SAXO1: variants seen among roughly 807,000 people sequenced by gnomAD.
SAXO1 encodes the protein 4930500O09Rik.
In SAXO1, 21 loss-of-function variants were observed where a neutral mutation model predicts 17.5. The observed-to-expected ratio is 1.20, with a 90% CI of 0.85 to 1.72. SAXO1 has a LOEUF of 1.72. Among genes scored for constraint, SAXO1 ranks in the 40% most tolerant of loss-of-function variants. The pLI, the probability that SAXO1 is intolerant of heterozygous loss-of-function variation, is 0.00. For synonymous variants in SAXO1, 274 were observed against 216.5 expected, an observed-to-expected ratio of 1.27 and a Z score of -2.33; for missense variants, 843 against 596.0, an observed-to-expected ratio of 1.41 and a Z score of -4.32.
intron 1 of SAXO1, among the ~76,000 whole-genome samples, chr9:18,968,936 G>C (rs1197835810): frequency 2.6e-5 from 4 of 152,130 alleles, no homozygotes; most frequent in African/African-American, 4.8e-5. Flanking sequence ...AGGTAGGTAG[G>C]GGTAAAAAAC....
chr9:18,939,751 A>T (rs570623254), intron 3 of SAXO1, among the ~76,000 whole-genome samples: 11 of 152,348 alleles, frequency 7.2e-5, no homozygotes, highest in Non-Finnish European at 1.5e-4. Flanking sequence ...TAATAGGATC[A>T]TATGATTTGA....
intron 1 of SAXO1, among the ~76,000 whole-genome samples, chr9:19,047,399 C>T (rs960305145): frequency 3.3e-5 from 5 of 151,898 alleles, no homozygotes; most frequent in African/African-American, 7.3e-5. Context: ...GAGGAGACTC[C>T]GTAAAATGTG....
Position 18,986,986 on chromosome 9 carries a change from A to G in SAXO1, c.39-36049T>C, listed in dbSNP as rs75678696. 6.7e-3 allele frequency among the ~76,000 whole-genome samples: 1,021 copies of G among 152,328 alleles called. 8 individuals are homozygous for G. The highest frequency in any genetic ancestry group is 0.023 in the African/African-American group (976 of 41,576). ...GGCTAGCTGTGTCCCAGATAAAGAAATGATGGTTAATAGATACAACACAAT... is the reference window on the plus strand; with the variant it reads ...GGCTAGCTGTGTCCCAGATAAAGAAGTGATGGTTAATAGATACAACACAAT... On this transcript the variant is annotated intron_variant, in intron 1 of 3. Coordinates refer to ENST00000380534, the MANE Select transcript of SAXO1 (RefSeq NM_153707.4).
At position 18,927,951 on chromosome 9, in the gene SAXO1, G is replaced by C. The variant is rs367915663; in HGVS notation, c.*101C>G. 6.2e-5 allele frequency: 85 copies of C among 1,381,224 alleles called. No individual in the cohort carries two copies. Among genetic ancestry groups the C allele is most frequent in the East Asian group, 4.0e-4 (17 of 42,684 alleles). 85.6% of individuals were successfully genotyped at this position (1,381,224 alleles called of 1,614,324 possible). On this transcript the variant is annotated 3_prime_UTR_variant, in exon 4 of 4. Coordinates refer to ENST00000380534, the MANE Select transcript of SAXO1 (RefSeq NM_153707.4). ...AAGTGGTGAAGGTTTTTTGTTTTTT[G>C]TTTTTTGTCATTTTAGGGAATTCTT...
At chr9:18,956,484 C>T (rs1832263820) in intron 1 of SAXO1, among the ~76,000 whole-genome samples, 1 of 152,132 alleles carries the variant, frequency 6.6e-6, no homozygotes, top group South Asian at 2.1e-4. Flanking sequence ...TCTGGATCCC[C>T]TGCTGAGCCT....
At chr9:18,960,296 C>T (rs1411051078) in intron 1 of SAXO1, among the ~76,000 whole-genome samples, 1 of 152,168 alleles carries the variant, frequency 6.6e-6, no homozygotes, top group African/African-American at 2.4e-5. Context: ...GTCCACAACT[C>T]TTTCAATTCT....
In SAXO1 at chr9:18,928,201, C is replaced by A; in HGVS notation, c.1276G>T (p.Glu426Ter). The A allele has an allele frequency of 6.2e-7, 1 of 1,614,124 alleles. No homozygotes were observed. Among genetic ancestry groups the A allele is most frequent in the Non-Finnish European group, 8.5e-7 (1 of 1,180,014 alleles). ...TCCTCAAAGGTGTAGCCAGGAGGCT[C>A]AGGATATGAAGCTAGGCACCTGCCC... ...EMGRCLASYPEPPGYTFEEVD... is the reference protein window; with the variant it reads ...EMGRCLASYP The change falls in exon 4 of 4, where the codon GAG becomes TAG. Residue 426 changes from glutamate (E) to a stop codon, truncating the protein, a stop_gained. Coordinates refer to ENST00000380534, the MANE Select transcript of SAXO1 (RefSeq NM_153707.4). LOFTEE classifies it low-confidence loss of function (END_TRUNC).
intron 1 of SAXO1, among the ~76,000 whole-genome samples, chr9:19,016,317 T>C (rs1834973226): frequency 6.6e-6 from 1 of 152,118 alleles, no homozygotes; most frequent in Non-Finnish European, 1.5e-5. Context: ...ACGCCTGTAG[T>C]CCCGGCTACT....
chr9:18,953,096 C>G (rs940492034), intron 1 of SAXO1, among the ~76,000 whole-genome samples: 2 of 152,234 alleles, frequency 1.3e-5, no homozygotes, highest in Non-Finnish European at 1.5e-5. Flanking sequence ...AGGATTCCGA[C>G]AAACCTCAGA....
rs565467812 is a variant in SAXO1 at position 18,939,550 on chromosome 9, T to C, written c.421+2087A>G. On this transcript the variant is annotated intron_variant, in intron 3 of 3. Coordinates refer to ENST00000380534, the MANE Select transcript of SAXO1 (RefSeq NM_153707.4). ...ATCTTTCAGCTGCTAGCTGAAAGGA[T>C]AAGTGCTAGATTAAGGAAGCAGAAG... Among the ~76,000 whole-genome samples, 9 of 152,286 alleles carry C rather than the reference T, an allele frequency of 5.9e-5. No individual in the cohort carries two copies. In the East Asian group the frequency reaches 1.7e-3, roughly 29 times the overall value.
At chr9:19,039,187 A>G (rs1005238751) in intron 1 of SAXO1, among the ~76,000 whole-genome samples, 1 of 152,214 alleles carries the variant, frequency 6.6e-6, no homozygotes, top group African/African-American at 2.4e-5. Context: ...CAACATATAA[A>G]AAGGATTAAA....
chr9:19,046,582 A>C (rs1836221829), intron 1 of SAXO1, among the ~76,000 whole-genome samples: 1 of 152,126 alleles, frequency 6.6e-6, no homozygotes, highest in Non-Finnish European at 1.5e-5. Flanking sequence ...CATGCCTGCA[A>C]TCCCAGCTAC....
intron 1 of SAXO1, among the ~76,000 whole-genome samples, chr9:19,013,891 T>C (rs539207357): frequency 2.5e-4 from 38 of 152,232 alleles, no homozygotes; most frequent in African/African-American, 8.9e-4. Flanking sequence ...GCAGCCAATA[T>C]GCACTTTTTA....
At chr9:18,998,122 T>C (rs1352868748) in intron 1 of SAXO1, among the ~76,000 whole-genome samples, 1 of 151,996 alleles carries the variant, frequency 6.6e-6, no homozygotes, top group East Asian at 1.9e-4. Context: ...CTTTGACAAG[T>C]TGACAAAAGT....
At chr9:18,978,634 G>T (rs1275022193) in intron 1 of SAXO1, among the ~76,000 whole-genome samples, 1 of 152,198 alleles carries the variant, frequency 6.6e-6, no homozygotes, top group East Asian at 1.9e-4. Context: ...CTGAATAATG[G>T]CTGTGAAAAT....
intron 1 of SAXO1, among the ~76,000 whole-genome samples, chr9:18,961,046 C>A (rs1027137830): frequency 5.9e-5 from 9 of 151,962 alleles, no homozygotes; most frequent in African/African-American, 2.2e-4. Context: ...AAGATTTGTT[C>A]ATTAAATGCT....
rs1017828579 is a variant in SAXO1, at chr9:18,944,359, G to A, written c.219-2520C>T. 3.3e-5 allele frequency among the ~76,000 whole-genome samples: 5 copies of A among 152,270 alleles called. No homozygotes were observed. The East Asian group carries it at 9.6e-4, about 29-fold the overall frequency. ...TGTTTTTATGTTGAGAACATTCACT[G>A]AAACCTGTCATTAACCGCAACATAA... On this transcript the variant is annotated intron_variant, in intron 2 of 3. Coordinates refer to ENST00000380534, the MANE Select transcript of SAXO1 (RefSeq NM_153707.4).
chr9:19,001,502 C>T (rs1834260757), intron 1 of SAXO1, among the ~76,000 whole-genome samples: 1 of 151,938 alleles, frequency 6.6e-6, no homozygotes, highest in African/African-American at 2.4e-5. Flanking sequence ...CCCGTCTCTA[C>T]TAAAAACACA....
intron 1 of SAXO1, among the ~76,000 whole-genome samples, chr9:18,956,995 TTTTAAA>T (rs1376201405): frequency 6.6e-6 from 1 of 152,228 alleles, no homozygotes; most frequent in African/African-American, 2.4e-5. Flanking sequence ...AAGCCTATGC[TTTTAAA>T]TCACAGCCGT....
Sources: allele counts gnomAD v4.1 joint callset (sites outside exome capture counted in the v4.1 genomes callset), GRCh38; gene constraint gnomAD v4.1.1; transcripts MANE v1.5; gene names NCBI Gene and HGNC (gene_info 2026-07-23, HGNC 2026-07-21).